Variants in LCORL observed in about 807,000 individuals in gnomAD.
LCORL encodes ligand-dependent nuclear receptor corepressor-like protein.
A neutral mutation model predicts 141.8 loss-of-function variants in LCORL; 41 were observed. The ratio of observed to expected loss-of-function variants is 0.29; its 90% CI spans 0.23 to 0.38. LCORL has a LOEUF of 0.38. LCORL is among the 10% of genes least tolerant of loss of function. The pLI is 1.00. For missense variants in LCORL, 1,759 were observed against 2,035.0 expected (o/e 0.86, Z 2.61); for synonymous variants, 618 against 694.1 (o/e 0.89, Z 1.72).
intron 5 of LCORL, among the ~76,000 whole-genome samples, chr4:17,894,141 G>A (rs541347911): frequency 2.6e-5 from 4 of 152,008 alleles, no homozygotes; most frequent in Non-Finnish European, 5.9e-5. Flanking sequence ...ATTTATGATG[G>A]GGCTATGTCT....
chr4:17,979,280 C>T (rs1023616118), intron 1 of LCORL, among the ~76,000 whole-genome samples: 6 of 152,142 alleles, frequency 3.9e-5, no homozygotes, highest in Non-Finnish European at 8.8e-5. Flanking sequence ...CATTAGTTTC[C>T]TTCTTCTCAG....
chr4:17,985,876 G>A (rs1348149316), intron 1 of LCORL, among the ~76,000 whole-genome samples: 2 of 152,082 alleles, frequency 1.3e-5, no homozygotes. Flanking sequence ...GTGTACTTAA[G>A]TGTTCTTGTA....
Position 18,020,089 on chromosome 4 carries a change from C to A in LCORL, c.154+1509G>T, listed in dbSNP as rs896162024. 5.3e-5 allele frequency among the ~76,000 whole-genome samples: 8 copies of A among 152,290 alleles called. No individual in the cohort carries two copies. In the South Asian group the frequency reaches 1.0e-3, roughly 20 times the overall value. On this transcript the variant is annotated intron_variant, in intron 1 of 7. Coordinates refer to ENST00000635767, the Ensembl canonical transcript of LCORL. ...AAACAAAAGCAGTAAATTACTTAAA[C>A]ATCACTTAAATGCCCCCTAAAGTAA... is the stretch of plus-strand genomic sequence containing the variant.
chr4:17,908,406 T>C (rs1158023700), intron 5 of LCORL, among the ~76,000 whole-genome samples: 1 of 152,238 alleles, frequency 6.6e-6, no homozygotes, highest in Non-Finnish European at 1.5e-5. Context: ...GATGACTTTT[T>C]TCTTATGGCT....
intron 1 of LCORL, among the ~76,000 whole-genome samples, chr4:17,994,719 T>G (rs1441908784): frequency 7.1e-6 from 1 of 139,916 alleles, no homozygotes; most frequent in East Asian, 2.0e-4. Context: ...GATACAGCAG[T>G]GAGTAAAGAG....
Position 17,955,960 on chromosome 4 carries a change from C to A in LCORL, c.430+5943G>T, listed in dbSNP as rs1560400749. 2.0e-5 allele frequency among the ~76,000 whole-genome samples: 3 copies of A among 152,060 alleles called. No individual in the cohort carries two copies. In the East Asian group the frequency reaches 5.8e-4, roughly 29 times the overall value. ...CAATGAGGTGAAAAAAGACTGGATA[C>A]CTGCATAAATAATCCCATTAAAAAG... On this transcript the variant is annotated intron_variant, in intron 4 of 7. Transcript: ENST00000635767.
chr4:17,941,002 A>C (rs1425895111), intron 4 of LCORL, among the ~76,000 whole-genome samples: 1 of 152,238 alleles, frequency 6.6e-6, no homozygotes, highest in Non-Finnish European at 1.5e-5. Flanking sequence ...GTCAGAGAAC[A>C]ACCTGCCAAG....
chr4:17,996,927 A>G (rs1248243796), intron 1 of LCORL, among the ~76,000 whole-genome samples: 2 of 152,148 alleles, frequency 1.3e-5, no homozygotes, highest in East Asian at 1.9e-4. Flanking sequence ...ATTCTAAGTT[A>G]GCATACGTAG....
exon 8 of LCORL, chr4:17,844,647 T>C (rs1722749703): frequency 6.7e-6 from 1 of 150,186 alleles, no homozygotes; most frequent in Admixed American, 6.6e-5. Context: ...TCAGATTCCT[T>C]ATGTGTTGTT....
chr4:17,890,231 A>G (rs1046562237), intron 5 of LCORL, among the ~76,000 whole-genome samples: 8 of 152,222 alleles, frequency 5.3e-5, no homozygotes, highest in South Asian at 2.1e-4. Context: ...TATTTCCCAC[A>G]TCCTTGATAA....
intron 4 of LCORL, 117 bp from the exon 5 acceptor site, chr4:17,909,462 A>G: frequency 1.6e-6 from 1 of 606,866 alleles, no homozygotes; most frequent in Non-Finnish European, 2.6e-6. Context: ...TCAGTCCATA[A>G]CTCCCAATGT....
intron 5 of LCORL, among the ~76,000 whole-genome samples, chr4:17,901,655 T>C (rs966117733): frequency 5.9e-5 from 9 of 152,134 alleles, no homozygotes; most frequent in Non-Finnish European, 1.3e-4. Context: ...CTAAATTTTT[T>C]ATATTAACTA....
chr4:17,941,639 C>T (rs1201190275), intron 4 of LCORL, among the ~76,000 whole-genome samples: 1 of 152,144 alleles, frequency 6.6e-6, no homozygotes. Flanking sequence ...TGGCACAAGT[C>T]TTCCAGCTAG....
exon 7 of LCORL, chr4:17,874,875 T>C: frequency 8.1e-7 from 1 of 1,233,842 alleles, no homozygotes; most frequent in Non-Finnish European, 1.0e-6. Flanking sequence ...ATGTTTTTCC[T>C]TCTGACTTTT....
chr4:17,936,686 T>G (rs1736916128), intron 4 of LCORL, among the ~76,000 whole-genome samples: 1 of 152,154 alleles, frequency 6.6e-6, no homozygotes, highest in Non-Finnish European at 1.5e-5. Flanking sequence ...AATTCCTGAG[T>G]TTAGATATTT....
At chr4:17,841,434 T>A (rs1459463758) in exon 8 of LCORL, 1 of 151,980 alleles carries the variant, frequency 6.6e-6, no homozygotes, top group East Asian at 1.9e-4. Context: ...ATTATTTAAA[T>A]ACCAATTGCT....
chr4:17,882,359 T>G, intron 6 of LCORL: 2 of 984,248 alleles, frequency 2.0e-6, no homozygotes, highest in Non-Finnish European at 2.4e-6. Flanking sequence ...CAAATCCCTA[T>G]TCTTTATATG....
chr4:17,999,192 G>GCCGGGTGCGGTGGCTCACT (rs1553885425), intron 1 of LCORL, among the ~76,000 whole-genome samples: 1 of 124 alleles, frequency 8.1e-3, no homozygotes, highest in African/African-American at 0.028. Context: ...GGATGTCTAA[G>GCCGGGTGCGGTGGCTCACT]CCTGTAATCC....
intron 4 of LCORL, among the ~76,000 whole-genome samples, chr4:17,916,888 G>A (rs1733530275): frequency 6.6e-6 from 1 of 152,044 alleles, no homozygotes; most frequent in African/African-American, 2.4e-5. Context: ...TAAGTGGGCT[G>A]CCTGCCTTGG....
Sources: gnomAD v4.1 joint callset for allele counts (sites outside exome capture counted in the v4.1 genomes callset) on GRCh38, gnomAD v4.1.1 for gene constraint, MANE v1.5 for transcripts, NCBI Gene and HGNC (gene_info 2026-07-23, HGNC 2026-07-21) for gene names.